CCT3: variants seen among roughly 807,000 people sequenced by gnomAD.
CCT3 encodes the protein T-complex protein 1 subunit gamma.
A neutral mutation model predicts 65.3 loss-of-function variants in CCT3; 10 were observed. The ratio of observed to expected loss-of-function variants is 0.15; its 90% CI spans 0.09 to 0.26. The LOEUF (loss-of-function observed/expected upper bound fraction) is 0.26, where lower values mean the gene tolerates loss of function less well. Ranked by LOEUF, CCT3 falls within the 10% of genes least tolerant of loss-of-function variation. The pLI, the probability that CCT3 is intolerant of heterozygous loss-of-function variation, is 1.00. For synonymous variants in CCT3, 225 were observed against 242.3 expected (o/e 0.93, Z 0.66); for missense variants, 626 against 708.7 (o/e 0.88, Z 1.33).
Position 156,325,068 on chromosome 1 carries a change from G to A in CCT3, c.326C>T (p.Ala109Val). 1.9e-6 allele frequency: 3 copies of A among 1,612,146 alleles called. No homozygotes were observed. Among genetic ancestry groups the A allele is most frequent in the Non-Finnish European group, 2.5e-6 (3 of 1,179,134 alleles). Reference protein sequence around the residue: ...IILAGEMLSVAEHFLEQQMHP... With the variant: ...IILAGEMLSVVEHFLEQQMHP... ...CATCTGCTGCTCCAGGAAGTGCTCA[G>A]CTACAGACAGCATTTCCCCTGCTGA... The change falls in exon 6 of 14, where the codon GCT becomes GTT. Residue 109 changes from alanine (A) to valine (V), a missense_variant. Coordinates refer to ENST00000295688, the MANE Select transcript of CCT3 (RefSeq NM_005998.5).
intron 1 of CCT3, 66 bp downstream of exon 1, chr1:156,338,088 A>C: frequency 6.5e-7 from 1 of 1,535,308 alleles, no homozygotes; most frequent in Non-Finnish European, 8.9e-7. Flanking sequence ...AGCTGGGGCA[A>C]CACTGAAAAG....
chr1:156,319,038 C>T lies in CCT3; in HGVS notation c.610-21G>A, dbSNP rs200980893. On this transcript the variant is annotated intron_variant, in intron 7 of 13. Coordinates refer to ENST00000295688, the MANE Select transcript of CCT3 (RefSeq NM_005998.5). ...GGTATCTGAACAAAAGACAACTGCA[C>T]TTTAATCCACAATCAAGAGACAATT... 2.8e-3 allele frequency: 4,410 copies of T among 1,571,894 alleles called. 11 individuals carry two copies. Among genetic ancestry groups the T allele is most frequent in the Non-Finnish European group, 3.6e-3 (4,111 of 1,157,442 alleles).
chr1:156,332,010 C>T (rs1346973552), intron 5 of CCT3, among the ~76,000 whole-genome samples: 1 of 149,750 alleles, frequency 6.7e-6, no homozygotes, highest in African/African-American at 2.4e-5. Context: ...CCAGCCTGGG[C>T]AACAAGAGTG....
intron 5 of CCT3, among the ~76,000 whole-genome samples, chr1:156,328,814 C>G (rs924087826): frequency 6.6e-6 from 1 of 151,552 alleles, no homozygotes; most frequent in Non-Finnish European, 1.5e-5. Flanking sequence ...TATGACCCTG[C>G]CAAATCCCCC....
At position 156,312,072 on chromosome 1, in the gene CCT3, A is replaced by T. The variant is rs1432672291; in HGVS notation, c.1124T>A (p.Leu375His). 1.9e-6 allele frequency: 3 copies of T among 1,609,380 alleles called. No homozygotes were observed. The highest frequency in any genetic ancestry group is 2.5e-6 in the Non-Finnish European group (3 of 1,177,958). Residue 375 changes from leucine (L) to histidine (H), a missense_variant, in exon 11 of 14, where the codon CTC (leucine) becomes CAC (histidine). Leu to His is a moderately conservative substitution (Grantham distance 99). Coordinates refer to ENST00000295688, the MANE Select transcript of CCT3 (RefSeq NM_005998.5). The part of the protein sequence containing the change: ...DCKDPKACTI[L>H]LRGASKEILS... The stretch of plus-strand genomic sequence containing the variant: ...AATCTCTTTGCTAGCCCCCCGGAGG[A>T]GAATGGTGCAGGCCTTGGGGTCTTT...
intron 5 of CCT3, among the ~76,000 whole-genome samples, chr1:156,328,276 G>T (rs1664946947): frequency 1.3e-5 from 2 of 149,366 alleles, no homozygotes; most frequent in South Asian, 4.2e-4. Flanking sequence ...CATCCGGGAG[G>T]TGAGGGGCGC....
chr1:156,318,795 GT>G, intron 8 of CCT3, 72 bp downstream of exon 8: 2 of 1,447,104 alleles, frequency 1.4e-6, no homozygotes, highest in Admixed American at 1.8e-5. Context: ...ATAAACATAC[GT>G]TTTATTTCTG....
intron 5 of CCT3, chr1:156,333,119 CCT>C (rs1037645318): frequency 9.1e-6 from 2 of 220,552 alleles, no homozygotes; most frequent in African/African-American, 2.4e-5. Flanking sequence ...ATGGTGAAAC[CCT>C]GTCTCTACTA....
Position 156,310,941 on chromosome 1 carries a change from G to A in CCT3, c.1401+9C>T, listed in dbSNP as rs775709760. 6.2e-7 allele frequency: 1 copy of A among 1,611,698 alleles called. No individual in the cohort carries two copies. The highest frequency in any genetic ancestry group is 8.5e-7 in the Non-Finnish European group (1 of 1,178,432). ...CTCCATCAAGAGAAAAGCTTGGAGAGGAACTCACCCGAAGGGAGGTAAGTA... is the reference window on the plus strand; with the variant it reads ...CTCCATCAAGAGAAAAGCTTGGAGAAGAACTCACCCGAAGGGAGGTAAGTA... On this transcript the variant is annotated intron_variant, in intron 12 of 13. Coordinates refer to ENST00000295688, the MANE Select transcript of CCT3 (RefSeq NM_005998.5).
At chr1:156,309,324 G>T in intron 13 of CCT3, 21 bp from the exon 14 acceptor site, 1 of 1,513,528 alleles carries the variant, frequency 6.6e-7, no homozygotes, top group Non-Finnish European at 9.2e-7. Context: ...AACCACAGAT[G>T]CAAAGAGGTC....
At chr1:156,329,199 G>A (rs1289828251) in intron 5 of CCT3, among the ~76,000 whole-genome samples, 4 of 152,020 alleles carry the variant, frequency 2.6e-5, no homozygotes, top group Non-Finnish European at 5.9e-5. Context: ...TACAGCCTAA[G>A]TGTATAGTAG....
intron 5 of CCT3, among the ~76,000 whole-genome samples, chr1:156,328,370 T>C (rs1368370474): frequency 6.6e-6 from 1 of 152,000 alleles, no homozygotes; most frequent in South Asian, 2.1e-4. Context: ...CAACAGCTCA[T>C]TGAGAACGGG....
chr1:156,314,745 C>A (rs1664237486), intron 10 of CCT3, among the ~76,000 whole-genome samples: 1 of 151,722 alleles, frequency 6.6e-6, no homozygotes, highest in African/African-American at 2.4e-5. Context: ...CAAAAAAAAC[C>A]AAACAGAAGA....
chr1:156,327,900 G>T (rs571132458), intron 5 of CCT3, among the ~76,000 whole-genome samples: 2 of 143,498 alleles, frequency 1.4e-5, no homozygotes, highest in Non-Finnish European at 3.0e-5. Context: ...CTGCCCCACC[G>T]CCCCGTCTGG....
chr1:156,320,672 G>A (rs1047215633), intron 7 of CCT3, among the ~76,000 whole-genome samples, 167 bp downstream of exon 7: 8 of 152,164 alleles, frequency 5.3e-5, no homozygotes, highest in African/African-American at 7.2e-5. Flanking sequence ...GTTTGAGGCT[G>A]CAGTGGGCTG....
intron 5 of CCT3, chr1:156,332,810 A>G (rs1665159723): frequency 6.6e-6 from 1 of 152,274 alleles, no homozygotes. Context: ...TTGTCCAGGC[A>G]TGAGTTATAT....
chr1:156,317,373 GT>G (rs1664353360), intron 9 of CCT3, 41 bp downstream of exon 9: 8 of 1,601,600 alleles, frequency 5.0e-6, no homozygotes, highest in Non-Finnish European at 6.8e-6. Context: ...ACCCACCCTC[GT>G]CTACCTCAAA....
Position 156,335,907 on chromosome 1 carries a change from C to CAA in CCT3, c.32-21_32-20dup, listed in dbSNP as rs748069711. 10 of 1,610,800 alleles carry CAA rather than the reference C, an allele frequency of 6.2e-6. No homozygotes were observed. The South Asian group carries it at 6.6e-5, about 11-fold the overall frequency. On this transcript the variant is annotated intron_variant, in intron 1 of 13. Transcript: ENST00000295688. ...TTCTGGCCTAAAATAGACAAAAACA[C>CAA]AAGTCAACAGCCCAGGACTGCCCCA... is the stretch of plus-strand genomic sequence containing the variant.
chr1:156,316,706 T>G (rs1664328170), intron 10 of CCT3, among the ~76,000 whole-genome samples: 1 of 152,190 alleles, frequency 6.6e-6, no homozygotes, highest in South Asian at 2.1e-4. Context: ...TTAAAAAGAA[T>G]GGTCTATGAG....
Sources: gnomAD v4.1 joint callset for allele counts (sites outside exome capture counted in the v4.1 genomes callset) on GRCh38, gnomAD v4.1.1 for gene constraint, MANE v1.5 for transcripts, NCBI Gene and HGNC (gene_info 2026-07-23, HGNC 2026-07-21) for gene names.